Variants in SLC38A4 observed in about 807,000 individuals in gnomAD.
SLC38A4 encodes the protein sodium-coupled neutral amino acid transporter 4.
A neutral mutation model predicts 63.1 loss-of-function variants in SLC38A4; 20 were observed. The observed-to-expected ratio is 0.32, with a 90% CI of 0.22 to 0.46. The LOEUF is 0.46. SLC38A4 is among the 20% of genes least tolerant of loss of function. The pLI, the probability that SLC38A4 is intolerant of heterozygous loss-of-function variation, is 1.00. For missense variants in SLC38A4, 526 were observed against 663.6 expected (o/e 0.79, Z 2.28); for synonymous variants, 230 against 225.5 (o/e 1.02, Z -0.18).
chr12:46,782,812 G>T (rs937651296), intron 7 of SLC38A4, among the ~76,000 whole-genome samples: 1 of 150,258 alleles, frequency 6.7e-6, no homozygotes, highest in Non-Finnish European at 1.5e-5. Flanking sequence ...GGAGTACAGT[G>T]ATCTTCCCAA....
chr12:46,770,602 G>A (rs1447251498), intron 14 of SLC38A4, among the ~76,000 whole-genome samples: 2 of 152,100 alleles, frequency 1.3e-5, no homozygotes, highest in South Asian at 4.1e-4. Flanking sequence ...TCAGTTTGCA[G>A]CAGCTGCTCA....
chr12:46,787,989 T>A lies in SLC38A4; in HGVS notation c.253A>T (p.Ser85Cys). The A allele has an allele frequency of 6.2e-7, 1 of 1,613,862 alleles. No homozygotes were observed. The highest frequency in any genetic ancestry group is 8.5e-7 in the Non-Finnish European group (1 of 1,179,824). ...TSFGMSSFNL[S>C]NAIMGSGILG... The stretch of plus-strand genomic sequence containing the variant: ...ATCCCACTGCCCATGATGGCATTAC[T>A]CAGGTTAAATGAAGACATTCCAAAG... Residue 85 changes from serine (S) to cysteine (C), a missense_variant, in exon 5 of 17, where the codon AGT becomes TGT. Ser to Cys is a moderately radical substitution (Grantham distance 112, BLOSUM62 -1). Transcript: ENST00000266579.
intron 2 of SLC38A4, among the ~76,000 whole-genome samples, chr12:46,798,854 T>A (rs1296142335): frequency 6.6e-6 from 1 of 152,108 alleles, no homozygotes; most frequent in African/African-American, 2.4e-5. Context: ...TTGAGTGGCC[T>A]TCATGCTATG....
chr12:46,792,696 A>C (rs80233848), intron 3 of SLC38A4, among the ~76,000 whole-genome samples: 2 of 152,164 alleles, frequency 1.3e-5, no homozygotes, highest in Non-Finnish European at 2.9e-5. Flanking sequence ...TAAGAGGAGC[A>C]ATAGGCTAAA....
At chr12:46,785,654 G>A (rs561185759) in intron 5 of SLC38A4, among the ~76,000 whole-genome samples, 17 of 151,094 alleles carry the variant, frequency 1.1e-4, no homozygotes, top group Admixed American at 3.3e-4. Flanking sequence ...ATTAGATTAC[G>A]AAGTACTTTG....
intron 13 of SLC38A4, 45 bp downstream of exon 13, chr12:46,776,859 C>A: frequency 6.4e-7 from 1 of 1,558,354 alleles, no homozygotes; most frequent in Non-Finnish European, 8.8e-7. Flanking sequence ...AAGGACCAGC[C>A]TAACAAGGAT....
At chr12:46,802,632 G>A (rs1939153215) in intron 2 of SLC38A4, among the ~76,000 whole-genome samples, 1 of 151,928 alleles carries the variant, frequency 6.6e-6, no homozygotes, top group South Asian at 2.1e-4. Context: ...ATCGAAACTG[G>A]AGGATCTTGA....
chr12:46,804,834 A>G (rs1939200216), intron 1 of SLC38A4, among the ~76,000 whole-genome samples: 2 of 152,042 alleles, frequency 1.3e-5, no homozygotes, highest in Non-Finnish European at 2.9e-5. Flanking sequence ...TAGGGGAACA[A>G]TGATAATAAC....
chr12:46,814,015 C>T (rs1404064727), intron 1 of SLC38A4, among the ~76,000 whole-genome samples: 1 of 151,966 alleles, frequency 6.6e-6, no homozygotes, highest in Non-Finnish European at 1.5e-5. Context: ...TATTCCGGAA[C>T]TCAGTTTTCT....
At chr12:46,822,735 G>C (rs1939575664) in intron 1 of SLC38A4, among the ~76,000 whole-genome samples, 1 of 152,188 alleles carries the variant, frequency 6.6e-6, no homozygotes, top group South Asian at 2.1e-4. Context: ...TCAGAAGTTT[G>C]ACCTTGGAAA....
At position 46,766,047 on chromosome 12, in the gene SLC38A4, T is replaced by A. The variant is rs909748348; in HGVS notation, c.*654A>T. 2 of 171,600 alleles carry A rather than the reference T, an allele frequency of 1.2e-5. No individual in the cohort carries two copies. The highest frequency in any genetic ancestry group is 3.2e-4 in the East Asian group (2 of 6,288). 10.6% of individuals were successfully genotyped at this position (171,600 alleles called of 1,614,324 possible). A position where few individuals can be genotyped will look rare whatever the true frequency, so the allele number is the denominator to read the frequency against. ...TATTTAGTGTTTTAACATTTAAATATAGATGTTTTAACATTTACAAAAATC... is the reference window on the plus strand; with the variant it reads ...TATTTAGTGTTTTAACATTTAAATAAAGATGTTTTAACATTTACAAAAATC... On this transcript the variant is annotated 3_prime_UTR_variant, in exon 17 of 17. Transcript: ENST00000266579.
At chr12:46,813,513 G>C (rs1939379710) in intron 1 of SLC38A4, among the ~76,000 whole-genome samples, 1 of 151,984 alleles carries the variant, frequency 6.6e-6, no homozygotes, top group Non-Finnish European at 1.5e-5. Flanking sequence ...AGAGACCTTA[G>C]ATAAGTCAAG....
chr12:46,774,733 G>C (rs528737050), intron 14 of SLC38A4, among the ~76,000 whole-genome samples: 1 of 152,100 alleles, frequency 6.6e-6, no homozygotes, highest in Non-Finnish European at 1.5e-5. Flanking sequence ...GGCTTTCAAG[G>C]TTCCAAAGTT....
At chr12:46,817,356 T>C (rs1041134277) in intron 1 of SLC38A4, among the ~76,000 whole-genome samples, 1 of 148,472 alleles carries the variant, frequency 6.7e-6, no homozygotes, top group Non-Finnish European at 1.5e-5. Context: ...AATTGTCTCC[T>C]GCTTGCTAAC....
intron 2 of SLC38A4, among the ~76,000 whole-genome samples, chr12:46,797,365 A>G (rs1182151074): frequency 6.6e-6 from 1 of 152,172 alleles, no homozygotes; most frequent in Non-Finnish European, 1.5e-5. Flanking sequence ...ACAAAAAGGC[A>G]GAGGAAGGGC....
intron 2 of SLC38A4, among the ~76,000 whole-genome samples, chr12:46,794,681 TAAG>T (rs1938963739): frequency 6.6e-6 from 1 of 151,294 alleles, no homozygotes; most frequent in African/African-American, 2.4e-5. Flanking sequence ...AAAATACAAA[TAAG>T]AAGTTAAGAG....
intron 15 of SLC38A4, 123 bp downstream of exon 15, chr12:46,769,161 A>T (rs2120736177): frequency 3.6e-6 from 4 of 1,101,634 alleles, no homozygotes; most frequent in Non-Finnish European, 5.3e-6. Flanking sequence ...CCTCTCAGGG[A>T]TAAAGGGAAT....
At chr12:46,768,270 A>C in intron 16 of SLC38A4, 40 bp downstream of exon 16, 1 of 1,399,910 alleles carries the variant, frequency 7.1e-7, no homozygotes, top group Non-Finnish European at 1.0e-6. Context: ...AGTAGTTGGA[A>C]GAACAACTAA....
Position 46,779,776 on chromosome 12 carries a change from T to C in SLC38A4, c.658+4A>G. The C allele has an allele frequency of 6.2e-7, 1 of 1,603,576 alleles. No homozygotes were observed. The highest frequency in any genetic ancestry group is 8.5e-7 in the Non-Finnish European group (1 of 1,175,316). ...AAATATTTCCAGTTAGAAAATATCT[T>C]TACCTAAATTTTTAAGGAGCGAAAG... On this transcript the variant is annotated splice_donor_region_variant and intron_variant, in intron 9 of 16. Transcript: ENST00000266579.
Sources: allele counts gnomAD v4.1 joint callset (sites outside exome capture counted in the v4.1 genomes callset), GRCh38; gene constraint gnomAD v4.1.1; transcripts MANE v1.5; gene names NCBI Gene and HGNC (gene_info 2026-07-23, HGNC 2026-07-21).